C12orf50: variants seen among roughly 807,000 people sequenced by gnomAD.
C12orf50 encodes uncharacterized protein C12orf50.
A neutral mutation model predicts 61.6 loss-of-function variants in C12orf50; 35 were observed. The ratio of observed to expected loss-of-function variants is 0.57; its 90% confidence interval spans 0.43 to 0.75. The LOEUF is 0.75. Ranked by LOEUF, C12orf50 falls within the 30% of genes least tolerant of loss-of-function variation. The pLI is 0.00. For missense variants in C12orf50, 475 were observed against 488.5 expected, an observed-to-expected ratio of 0.97 and a Z score of 0.26; for synonymous variants, 178 against 161.5, an observed-to-expected ratio of 1.10 and a Z score of -0.77.
intron 3 of C12orf50, among the ~76,000 whole-genome samples, chr12:87,999,739 C>A (rs2031572539): frequency 6.6e-6 from 1 of 151,940 alleles, no homozygotes; most frequent in Non-Finnish European, 1.5e-5. Flanking sequence ...ATGTTTATAT[C>A]AACATTATTT....
chr12:87,996,102 A>C (rs1386218968), intron 6 of C12orf50, among the ~76,000 whole-genome samples: 1 of 152,196 alleles, frequency 6.6e-6, no homozygotes, highest in African/African-American at 2.4e-5. Context: ...AGACAAATAA[A>C]ATGGTAAAAG....
rs1473447284 is a variant in C12orf50, at chr12:88,026,973, C to A, written c.-11G>T. 6.2e-7 allele frequency: 1 copy of A among 1,613,784 alleles called. No individual in the cohort carries two copies. Among genetic ancestry groups the A allele is most frequent in the Non-Finnish European group, 8.5e-7 (1 of 1,179,948 alleles). The stretch of plus-strand genomic sequence containing the variant: ...TACCTGCATTTCCATGTGTCTAAAT[C>A]TGCAAAGTGGATCTAAACATTTCCT... On this transcript the variant is annotated 5_prime_UTR_variant, in exon 2 of 13. Coordinates refer to ENST00000298699, the MANE Select transcript of C12orf50 (RefSeq NM_152589.3).
At chr12:87,996,520 T>C in intron 5 of C12orf50, 33 bp from the exon 6 acceptor site, 5 of 1,589,536 alleles carry the variant, frequency 3.1e-6, no homozygotes, top group Non-Finnish European at 4.3e-6. Context: ...ATGGTTAGTA[T>C]ATTTATCACA....
chr12:88,002,615 G>A (rs1468237641), intron 3 of C12orf50, among the ~76,000 whole-genome samples: 1 of 151,448 alleles, frequency 6.6e-6, no homozygotes, highest in Non-Finnish European at 1.5e-5. Flanking sequence ...AGTGTTTTCT[G>A]TAGACAGCAT....
Position 87,985,977 on chromosome 12 carries a change from G to A in C12orf50, c.999C>T (p.Ser333=). Reference sequence around the variant, plus strand: ...CAGCATCTCTTTGAACGTGGATATAGGATGCATTCTCCGCATTTCGATTTT... The same window carrying A: ...CAGCATCTCTTTGAACGTGGATATAAGATGCATTCTCCGCATTTCGATTTT... ...NNKNRNAENA[S]YIHVQRDAVR... Residue 333 remains serine, a synonymous_variant, in exon 11 of 13, where the codon TCC becomes TCT. Coordinates refer to ENST00000298699, the MANE Select transcript of C12orf50 (RefSeq NM_152589.3). The A allele has an allele frequency of 6.2e-6, 10 of 1,613,948 alleles. No homozygotes were observed. The highest frequency in any genetic ancestry group is 8.5e-6 in the Non-Finnish European group (10 of 1,179,894).
chr12:87,987,073 GC>G (rs1224225759), intron 9 of C12orf50, among the ~76,000 whole-genome samples: 1 of 152,078 alleles, frequency 6.6e-6, no homozygotes, highest in Non-Finnish European at 1.5e-5. Context: ...ACTTCACTGT[GC>G]AAGGCTCCTG....
chr12:87,988,043 C>G (rs1272125645), intron 8 of C12orf50, 77 bp from the exon 9 acceptor site: 5 of 835,970 alleles, frequency 6.0e-6, no homozygotes, highest in Non-Finnish European at 9.5e-6. Context: ...TTTCACTATT[C>G]AAACATTACA....
At chr12:88,019,201 ATTTC>A (rs149270016) in intron 3 of C12orf50, among the ~76,000 whole-genome samples, 9,120 of 152,070 alleles carry the variant, frequency 0.06, 963 homozygotes, top group African/African-American at 0.21. Flanking sequence ...TGGGGCAGGT[ATTTC>A]CCATGCTGTT....
chr12:87,992,786 C>T (rs2031187627), intron 7 of C12orf50, among the ~76,000 whole-genome samples: 1 of 152,074 alleles, frequency 6.6e-6, no homozygotes, highest in African/African-American at 2.4e-5. Flanking sequence ...TTTTAACAAG[C>T]TATTCACTTC....
At chr12:87,993,703 A>T (rs543211971) in intron 7 of C12orf50, among the ~76,000 whole-genome samples, 1 of 152,230 alleles carries the variant, frequency 6.6e-6, no homozygotes, top group South Asian at 2.1e-4. Context: ...TACTCTTCAC[A>T]CACATTCTTC....
intron 3 of C12orf50, among the ~76,000 whole-genome samples, chr12:88,008,251 G>A (rs964754900): frequency 1.2e-4 from 18 of 152,118 alleles, no homozygotes; most frequent in Middle Eastern, 6.8e-3. Context: ...AGTGTGTGTT[G>A]TTCTCCTCTA....
At chr12:87,996,687 C>T in intron 4 of C12orf50, 41 bp from the exon 5 acceptor site, 1 of 1,445,052 alleles carries the variant, frequency 6.9e-7, no homozygotes, top group Non-Finnish European at 9.5e-7. Context: ...GTCCCAAAGC[C>T]AATTAATCTG....
At chr12:88,014,148 C>T (rs1454004094) in intron 3 of C12orf50, among the ~76,000 whole-genome samples, 1 of 152,030 alleles carries the variant, frequency 6.6e-6, no homozygotes, top group Non-Finnish European at 1.5e-5. Flanking sequence ...GAAAAGAAGT[C>T]TATGGGGTAG....
rs376184534 is a variant in C12orf50 at position 87,998,119 on chromosome 12, G to C, written c.205C>G (p.Gln69Glu). ...QSQSQEPLKP[Q>E]ENISRPIHHP... ...TGGATGGGTCGTGATATATTTTCCT[G>C]AGGTTTCAGAGGTTCTTGACTCTGG... Residue 69 changes from glutamine to glutamate, a missense_variant, in exon 4 of 13, where the codon CAG (glutamine) becomes GAG (glutamate). Gln to Glu is a conservative substitution (Grantham distance 29). Transcript: ENST00000298699. 3.5e-5 allele frequency: 56 copies of C among 1,612,486 alleles called. No homozygotes were observed. Among genetic ancestry groups the C allele is most frequent in the Non-Finnish European group, 4.4e-5 (52 of 1,179,080 alleles).
Position 87,996,489 on chromosome 12 carries a change from T to G in C12orf50, c.368-2A>C, listed in dbSNP as rs774770016. On this transcript the variant is annotated splice_acceptor_variant, in intron 5 of 12. Coordinates refer to ENST00000298699, the MANE Select transcript of C12orf50 (RefSeq NM_152589.3). LOFTEE classifies it high-confidence loss of function. ...GAGTATGAAATCTGTAGTATTCCCC[T>G]AATCAACCATAAGAAAAGTAATGGT... 1 of 1,603,872 alleles carries G rather than the reference T, an allele frequency of 6.2e-7. No individual in the cohort carries two copies. Among genetic ancestry groups the G allele is most frequent in the East Asian group, 2.2e-5 (1 of 44,686 alleles).
Position 88,010,530 on chromosome 12 carries a change from A to G in C12orf50, c.134-12340T>C, listed in dbSNP as rs2032068295. On this transcript the variant is annotated intron_variant, in intron 3 of 12. Coordinates refer to ENST00000298699, the MANE Select transcript of C12orf50 (RefSeq NM_152589.3). ...GATTATAAATGGAATCATTACGGCAAGATGTCATTAGATACATTTATAATG... is the reference window on the plus strand; with the variant it reads ...GATTATAAATGGAATCATTACGGCAGGATGTCATTAGATACATTTATAATG... Among the ~76,000 whole-genome samples, 6 of 150,098 alleles carry G rather than the reference A, an allele frequency of 4.0e-5. No homozygotes were observed. The South Asian group carries it at 1.3e-3, about 31-fold the overall frequency.
intron 11 of C12orf50, 63 bp from the exon 12 acceptor site, chr12:87,983,258 T>A: frequency 8.8e-7 from 1 of 1,131,398 alleles, no homozygotes; most frequent in South Asian, 1.5e-5. Context: ...CAAGGGTGTT[T>A]CAAAGTTATA....
chr12:88,024,371 A>G (rs755697792), intron 3 of C12orf50, among the ~76,000 whole-genome samples: 3 of 152,224 alleles, frequency 2.0e-5, no homozygotes, highest in Non-Finnish European at 4.4e-5. Context: ...AAGACATGAA[A>G]TTAACCTAAA....
chr12:87,983,275 T>C, intron 11 of C12orf50, 80 bp from the exon 12 acceptor site: 1 of 834,784 alleles, frequency 1.2e-6, no homozygotes, highest in East Asian at 2.7e-5. Context: ...TATAAACATC[T>C]CAGGGGTGAA....
Sources: gnomAD v4.1 joint callset for allele counts (sites outside exome capture counted in the v4.1 genomes callset) on GRCh38, gnomAD v4.1.1 for gene constraint, MANE v1.5 for transcripts, NCBI Gene and HGNC (gene_info 2026-07-23, HGNC 2026-07-21) for gene names.